Variants in FUT8 observed in about 807,000 individuals in gnomAD.
FUT8 encodes alpha-(1,6)-fucosyltransferase.
FUT8 carries 29 observed loss-of-function variants against 71.3 expected under a neutral mutation model. The ratio of observed to expected loss-of-function variants is 0.41; its 90% CI spans 0.30 to 0.55. The LOEUF (loss-of-function observed/expected upper bound fraction) is 0.55. Among genes scored for constraint, FUT8 ranks in the 20% least tolerant of loss-of-function variants. FUT8 has a pLI of 0.34. For missense variants in FUT8, 544 were observed against 702.1 expected, an observed-to-expected ratio of 0.77 and a Z score of 2.55; for synonymous variants, 254 against 239.3, an observed-to-expected ratio of 1.06 and a Z score of -0.57.
In FUT8 at chr14:65,743,745, C is replaced by T. The variant is rs1896611840; in HGVS notation, c.*1335C>T. On this transcript the variant is annotated 3_prime_UTR_variant, in exon 11 of 11. Transcript: ENST00000673929. Reference sequence around the variant, plus strand: ...TCCAAATTCTTCCATGTTAGAATCACTTCAGAAAATAAGACTTTGATGCTT... The same window carrying T: ...TCCAAATTCTTCCATGTTAGAATCATTTCAGAAAATAAGACTTTGATGCTT... The T allele has an allele frequency of 6.6e-6, 1 of 151,872 alleles. No individual in the cohort carries two copies. The highest frequency in any genetic ancestry group is 2.1e-4 in the South Asian group (1 of 4,832). 9.4% of individuals were successfully genotyped at this position (151,872 alleles called of 1,614,324 possible).
At chr14:65,545,053 T>C (rs927737025) in intron 2 of FUT8, among the ~76,000 whole-genome samples, 1 of 151,836 alleles carries the variant, frequency 6.6e-6, no homozygotes, top group African/African-American at 2.4e-5. Context: ...CATTTCAGTT[T>C]AGTTGGTTTT....
In FUT8 at chr14:65,616,194, C is replaced by G; in HGVS notation, c.320-17C>G. ...AAAATGTTGGAAATGCTACAACTCT[C>G]TATTCTTTGACTACAGGTCTGGGGA... is the stretch of plus-strand genomic sequence containing the variant. On this transcript the variant is annotated splice_polypyrimidine_tract_variant and intron_variant, in intron 4 of 10. Coordinates refer to ENST00000673929, the MANE Select transcript of FUT8 (RefSeq NM_001371533.1). The G allele has an allele frequency of 1.3e-6, 2 of 1,599,924 alleles. No homozygotes were observed. The highest frequency in any genetic ancestry group is 1.7e-6 in the Non-Finnish European group (2 of 1,173,748).
At chr14:65,375,130 CCTTGT>C in the FUT8 span, among the ~76,000 whole-genome samples, 1 of 151,952 alleles carries the variant, frequency 6.6e-6, no homozygotes, top group African/African-American at 2.4e-5. Context: ...GTCTGAGAAC[CCTTGT>C]CTTTGTTTAG....
At chr14:65,696,295 A>G (rs373886850) in intron 7 of FUT8, among the ~76,000 whole-genome samples, 7 of 152,314 alleles carry the variant, frequency 4.6e-5, no homozygotes, top group Non-Finnish European at 1.5e-5. Flanking sequence ...TTATCCTTCA[A>G]AAGTGAAGGA....
Position 65,439,952 on chromosome 14 carries a change from G to GTGTGTGTGTA in FUT8, c.-325-15666_-325-15665insGTGTGTATGT, listed in dbSNP as rs1555360982. On this transcript the variant is annotated intron_variant, in intron 1 of 10. Transcript: ENST00000673929. ...GGATAAAGAAAATGTGTGTGTGTGTGTGTATATATATATATATATATATAT... is the reference window on the plus strand; with the variant it reads ...GGATAAAGAAAATGTGTGTGTGTGTGTGTGTGTGTATGTATATATATATATATATATATAT... Among the ~76,000 whole-genome samples, 4 of 38,224 alleles carry GTGTGTGTGTA rather than the reference G, an allele frequency of 1.0e-4. 1 individual carries two copies. Among genetic ancestry groups the GTGTGTGTGTA allele is most frequent in the Admixed American group, 7.4e-4 (2 of 2,702 alleles). 25.1% of individuals were successfully genotyped at this position (38,224 alleles called of 152,430 possible). A position where few individuals can be genotyped will look rare whatever the true frequency, so the allele number is the denominator to read the frequency against.
intron 8 of FUT8, 28 bp downstream of exon 8, chr14:65,722,049 T>C: frequency 6.2e-7 from 1 of 1,611,384 alleles, no homozygotes; most frequent in East Asian, 2.2e-5. Flanking sequence ...TCCCTCAAAC[T>C]GTGATATGTA....
At chr14:65,361,574 G>A in the FUT8 span, among the ~76,000 whole-genome samples, 1 of 151,624 alleles carries the variant, frequency 6.6e-6, no homozygotes, top group African/African-American at 2.4e-5. Context: ...GATCACCTGA[G>A]GTCAGGAGTT....
intron 2 of FUT8, among the ~76,000 whole-genome samples, chr14:65,542,032 A>G (rs1884705812): frequency 6.6e-6 from 1 of 152,100 alleles, no homozygotes; most frequent in Non-Finnish European, 1.5e-5. Context: ...GCGTACCTTA[A>G]TTTTCTTCAC....
chr14:65,468,406 T>G (rs2066081108), intron 2 of FUT8: 1 of 436,544 alleles, frequency 2.3e-6, no homozygotes, highest in Non-Finnish European at 4.3e-6. Context: ...TTTTTTTTTT[T>G]TTAACACTAA....
intron 6 of FUT8, among the ~76,000 whole-genome samples, chr14:65,639,721 AC>A (rs1456624892): frequency 6.6e-6 from 1 of 152,022 alleles, no homozygotes; most frequent in Non-Finnish European, 1.5e-5. Context: ...GAGCTGGTGG[AC>A]CCTTTTGTCC....
intron 7 of FUT8, among the ~76,000 whole-genome samples, chr14:65,670,662 C>A (rs767293237): frequency 6.6e-6 from 1 of 151,970 alleles, no homozygotes; most frequent in African/African-American, 2.4e-5. Context: ...ACACTAGATA[C>A]GAAATAGGGA....
intron 1 of FUT8, among the ~76,000 whole-genome samples, chr14:65,437,241 C>T (rs935308707): frequency 7.2e-5 from 11 of 152,018 alleles, no homozygotes; most frequent in African/African-American, 2.7e-4. Flanking sequence ...TTTTATCAAA[C>T]AAAAGCTTAG....
intron 2 of FUT8, among the ~76,000 whole-genome samples, chr14:65,485,909 C>T (rs891625396): frequency 4.6e-5 from 7 of 152,212 alleles, no homozygotes; most frequent in South Asian, 2.1e-4. Context: ...TCCTGTCTCT[C>T]TAGAATCGCT....
At chr14:65,665,939 C>A (rs1251805685) in intron 6 of FUT8, among the ~76,000 whole-genome samples, 1 of 151,780 alleles carries the variant, frequency 6.6e-6, no homozygotes, top group African/African-American at 2.4e-5. Flanking sequence ...GGAGGGTGGA[C>A]AATGGGAGGA....
the FUT8 span, among the ~76,000 whole-genome samples, chr14:65,391,708 G>A: frequency 3.3e-5 from 5 of 149,370 alleles, no homozygotes; most frequent in African/African-American, 5.0e-5. Flanking sequence ...GGCTGGTCTC[G>A]AACTCCTGAC....
At chr14:65,589,956 A>C (rs891344915) in intron 3 of FUT8, among the ~76,000 whole-genome samples, 1 of 152,220 alleles carries the variant, frequency 6.6e-6, no homozygotes, top group Non-Finnish European at 1.5e-5. Context: ...TTTCTGCCAC[A>C]AACCCAACCC....
Position 65,721,786 on chromosome 14 carries a change from G to A in FUT8, c.847G>A (p.Asp283Asn). 1.2e-6 allele frequency: 2 copies of A among 1,612,918 alleles called. No individual in the cohort carries two copies. The highest frequency in any genetic ancestry group is 1.7e-6 in the Non-Finnish European group (2 of 1,178,870). ...STGHWSGEVKDKNVQVVELPI... is the reference protein window; with the variant it reads ...STGHWSGEVKNKNVQVVELPI... ...TTCAATATTGTCAGGTGAAGTGAAG[G>A]ACAAAAATGTTCAAGTGGTCGAGCT... The change falls in exon 8 of 11, where the codon GAC becomes AAC. Residue 283 changes from aspartate to asparagine, a missense_variant. Coordinates refer to ENST00000673929, the MANE Select transcript of FUT8 (RefSeq NM_001371533.1).
chr14:65,389,536 C>A, the FUT8 span, among the ~76,000 whole-genome samples: 4 of 151,964 alleles, frequency 2.6e-5, no homozygotes, highest in African/African-American at 9.7e-5. Context: ...TGGTCTTGAA[C>A]CCCTGACCTC....
chr14:65,538,401 C>G (rs147867879), intron 2 of FUT8, among the ~76,000 whole-genome samples: 1 of 152,270 alleles, frequency 6.6e-6, no homozygotes, highest in East Asian at 1.9e-4. Flanking sequence ...ACATCAGCCC[C>G]TGTTCTTTCA....
Sources: gnomAD v4.1 joint callset for allele counts (sites outside exome capture counted in the v4.1 genomes callset) on GRCh38, gnomAD v4.1.1 for gene constraint, MANE v1.5 for transcripts, NCBI Gene and HGNC (gene_info 2026-07-23, HGNC 2026-07-21) for gene names.